Variants in ANK2 observed in about 807,000 individuals in gnomAD.
ANK2 encodes ankyrin 2.
A neutral mutation model predicts 360.5 loss-of-function variants in ANK2; 83 were observed. That is an observed-to-expected ratio of 0.23 (90% CI 0.19 to 0.28). The LOEUF (loss-of-function observed/expected upper bound fraction) is 0.28, where lower values mean the gene tolerates loss of function less well. ANK2 is among the 10% of genes least tolerant of loss of function. ANK2 has a pLI of 1.00. For missense variants in ANK2, 4,201 were observed against 4,795.7 expected, an observed-to-expected ratio of 0.88 and a Z score of 3.66; for synonymous variants, 1,740 against 1,759.5, an observed-to-expected ratio of 0.99 and a Z score of 0.28.
chr4:112,898,663 G>A (rs980085517), intron 1 of ANK2, among the ~76,000 whole-genome samples: 1 of 151,916 alleles, frequency 6.6e-6, no homozygotes, highest in East Asian at 1.9e-4. Flanking sequence ...TTCCATATTT[G>A]GAAATTAATT....
At chr4:112,849,850 T>A (rs2064228368) in intron 1 of ANK2, among the ~76,000 whole-genome samples, 2 of 152,138 alleles carry the variant, frequency 1.3e-5, no homozygotes, top group African/African-American at 4.8e-5. Flanking sequence ...TCTGTGAGGG[T>A]GTTTCCAAAA....
chr4:112,881,918 G>T, intron 1 of ANK2: 1 of 692,954 alleles, frequency 1.4e-6, no homozygotes, highest in South Asian at 1.5e-5. Flanking sequence ...CATCCACCTT[G>T]TGTGGCTTTG....
intron 2 of ANK2, among the ~76,000 whole-genome samples, chr4:112,985,238 G>A (rs1330804316): frequency 6.6e-6 from 1 of 152,134 alleles, no homozygotes; most frequent in African/African-American, 2.4e-5. Context: ...CTGAGATATA[G>A]TTCCAGTTGA....
intron 1 of ANK2, among the ~76,000 whole-genome samples, chr4:112,887,591 TAC>T (rs2150574294): frequency 6.6e-6 from 1 of 152,320 alleles, no homozygotes; most frequent in Non-Finnish European, 1.5e-5. Context: ...TAAAACCATA[TAC>T]ACTCTTCAAT....
chr4:113,318,767 C>A, intron 26 of ANK2, 147 bp downstream of exon 26: 2 of 691,584 alleles, frequency 2.9e-6, no homozygotes, highest in Non-Finnish European at 5.1e-6. Context: ...TTGCTTTATC[C>A]AACATGGACT....
Position 113,229,959 on chromosome 4 carries a change from T to G in ANK2, c.385-2202T>G, listed in dbSNP as rs547376508. Among the ~76,000 whole-genome samples the G allele has an allele frequency of 8.3e-4, 127 of 152,312 alleles. 1 individual carries two copies. The highest frequency in any genetic ancestry group is 1.4e-3 in the Non-Finnish European group (96 of 68,026). On this transcript the variant is annotated intron_variant, in intron 4 of 45. Transcript: ENST00000357077. ...TATTTTCATCCCTGCCTTTTGCTTG[T>G]CATGAAAGAGCCCCATTCCACACCC...
At chr4:113,312,143 T>C (rs1324347130) in intron 24 of ANK2, among the ~76,000 whole-genome samples, 1 of 148,058 alleles carries the variant, frequency 6.8e-6, no homozygotes, top group Non-Finnish European at 1.5e-5. Context: ...TGAATATGGA[T>C]GTCATAGCTG....
intron 1 of ANK2, among the ~76,000 whole-genome samples, chr4:112,889,142 C>A (rs999096532): frequency 6.6e-6 from 1 of 151,792 alleles, no homozygotes; most frequent in Non-Finnish European, 1.5e-5. Context: ...TTAAACATTT[C>A]TCCTCTAGTT....
At chr4:113,074,556 T>C (rs1048371066) in intron 1 of ANK2, among the ~76,000 whole-genome samples, 3 of 152,226 alleles carry the variant, frequency 2.0e-5, no homozygotes, top group African/African-American at 7.2e-5. Flanking sequence ...AAATCATTTA[T>C]CTATTTGAAA....
chr4:113,051,491 T>C (rs1044210459), intron 1 of ANK2, among the ~76,000 whole-genome samples: 1 of 152,224 alleles, frequency 6.6e-6, no homozygotes, highest in Non-Finnish European at 1.5e-5. Flanking sequence ...AAATTTATTT[T>C]AGGAGTAAGT....
chr4:112,711,432 A>T, the ANK2 span, among the ~76,000 whole-genome samples: 1 of 152,168 alleles, frequency 6.6e-6, no homozygotes, highest in African/African-American at 2.4e-5. Context: ...CTGAGGTGGG[A>T]TGATTGCTTG....
At chr4:112,708,564 AACAG>A in the ANK2 span, among the ~76,000 whole-genome samples, 1 of 152,192 alleles carries the variant, frequency 6.6e-6, no homozygotes, top group African/African-American at 2.4e-5. Flanking sequence ...TCATTTATTC[AACAG>A]ACATTTACTC....
chr4:112,760,338 T>C, the ANK2 span, among the ~76,000 whole-genome samples: 5 of 151,938 alleles, frequency 3.3e-5, no homozygotes, highest in South Asian at 2.1e-4. Context: ...AGGCGCCTGC[T>C]ACCACGCCCG....
intron 1 of ANK2, among the ~76,000 whole-genome samples, chr4:113,127,899 A>C (rs1464022318): frequency 6.6e-6 from 1 of 152,148 alleles, no homozygotes; most frequent in Non-Finnish European, 1.5e-5. Flanking sequence ...GGAAAACAGG[A>C]TGGTTATCAG....
chr4:112,792,509 A>G, the ANK2 span, among the ~76,000 whole-genome samples: 1 of 152,236 alleles, frequency 6.6e-6, no homozygotes, highest in African/African-American at 2.4e-5. Context: ...TTAGTATTAA[A>G]GAGGATCCAC....
At chr4:113,055,971 A>T (rs771092256) in intron 1 of ANK2, among the ~76,000 whole-genome samples, 33 of 152,178 alleles carry the variant, frequency 2.2e-4, no homozygotes, top group Non-Finnish European at 4.4e-4. Flanking sequence ...TGGGAATAAC[A>T]TGGAAAAGTA....
At chr4:112,881,918 G>C in intron 1 of ANK2, 1 of 692,956 alleles carries the variant, frequency 1.4e-6, no homozygotes, top group East Asian at 2.6e-5. Flanking sequence ...CATCCACCTT[G>C]TGTGGCTTTG....
In ANK2 at chr4:113,373,305, G is replaced by A; in HGVS notation, c.11715G>A (p.Arg3905=). 1 of 1,614,140 alleles carries A rather than the reference G, an allele frequency of 6.2e-7. No individual in the cohort carries two copies. The highest frequency in any genetic ancestry group is 8.5e-7 in the Non-Finnish European group (1 of 1,180,010). ...TTCAGGTTACTAGGAAAATCATTAG[G>A]CGGTATGTATCCTCTGAAGGCACAG... The part of the protein sequence containing the change: ...VVKKVTRKII[R]RYVSSEGTEK... Residue 3905 remains arginine (R), a synonymous_variant, in exon 45 of 46, where the codon AGG becomes AGA. Transcript: ENST00000357077.
chr4:112,713,439 C>T, the ANK2 span, among the ~76,000 whole-genome samples: 1 of 151,566 alleles, frequency 6.6e-6, no homozygotes, highest in Non-Finnish European at 1.5e-5. Context: ...CGTGGTGGCG[C>T]ATGCCTGTAA....
Sources: gnomAD v4.1 joint callset for allele counts (sites outside exome capture counted in the v4.1 genomes callset) on GRCh38, gnomAD v4.1.1 for gene constraint, MANE v1.5 for transcripts, NCBI Gene and HGNC (gene_info 2026-07-23, HGNC 2026-07-21) for gene names.